Variants in ARHGEF4 observed in about 807,000 individuals in gnomAD.
The protein encoded by ARHGEF4 is APC-stimulated guanine nucleotide exchange factor 1.
ARHGEF4 carries 119 observed loss-of-function variants against 162.0 expected under a neutral mutation model. The observed-to-expected ratio is 0.73, with a 90% CI of 0.63 to 0.86. The LOEUF (loss-of-function observed/expected upper bound fraction) is 0.86. Among genes scored for constraint, ARHGEF4 ranks in the 40% least tolerant of loss-of-function variants. The pLI is 0.00. For missense variants in ARHGEF4, 2,488 were observed against 2,456.0 expected (o/e 1.01, Z -0.28); for synonymous variants, 1,014 against 979.9 (o/e 1.03, Z -0.65).
At chr2:131,024,991 CT>C (rs1689385160) in intron 4 of ARHGEF4, among the ~76,000 whole-genome samples, 1 of 152,044 alleles carries the variant, frequency 6.6e-6, no homozygotes, top group South Asian at 2.1e-4. Flanking sequence ...AGGCCCTTGG[CT>C]CCTGCTTGCA....
intron 1 of ARHGEF4, among the ~76,000 whole-genome samples, chr2:130,837,281 C>T (rs892200734): frequency 1.3e-5 from 2 of 152,130 alleles, no homozygotes; most frequent in Non-Finnish European, 2.9e-5. Flanking sequence ...GCGCCTGAGC[C>T]GGCCTCCCCG....
At chr2:130,930,460 C>T (rs1471297639) in intron 2 of ARHGEF4, among the ~76,000 whole-genome samples, 2 of 152,138 alleles carry the variant, frequency 1.3e-5, no homozygotes, top group Admixed American at 1.3e-4. Context: ...TGGTGCGTAA[C>T]GGCAACCAGG....
At chr2:130,994,572 C>G (rs144283457) in intron 4 of ARHGEF4, among the ~76,000 whole-genome samples, 13 of 152,180 alleles carry the variant, frequency 8.5e-5, no homozygotes, top group African/African-American at 2.6e-4. Flanking sequence ...TCCAATAAGA[C>G]GTTGTTTTGT....
intron 1 of ARHGEF4, among the ~76,000 whole-genome samples, chr2:130,891,650 C>T (rs1269994579): frequency 6.6e-6 from 1 of 152,232 alleles, no homozygotes; most frequent in Non-Finnish European, 1.5e-5. Flanking sequence ...AGACGGCCGC[C>T]TTCTGATTGC....
intron 4 of ARHGEF4, among the ~76,000 whole-genome samples, chr2:131,018,124 G>A (rs1688877032): frequency 6.6e-6 from 1 of 152,200 alleles, no homozygotes; most frequent in African/African-American, 2.4e-5. Context: ...ATGAGAGGTG[G>A]ATGAACACAT....
intron 4 of ARHGEF4, among the ~76,000 whole-genome samples, chr2:130,970,606 A>G (rs1373101971): frequency 1.6e-5 from 2 of 122,090 alleles, no homozygotes; most frequent in African/African-American, 5.8e-5. Context: ...AAAAAAAAAA[A>G]AAGAAAAGCC....
rs949833734 is a variant in ARHGEF4 at position 131,019,534 on chromosome 2, C to CT, written c.3986-8399dup. On this transcript the variant is annotated intron_variant, in intron 4 of 13. Coordinates refer to ENST00000409359, the MANE Select transcript of ARHGEF4 (RefSeq NM_001367493.1). ...TATGAACATGGGACGTCTTTCTTTGCTTTTTTTTTTTTCCAGCAATGTTTT... is the reference window on the plus strand; with the variant it reads ...TATGAACATGGGACGTCTTTCTTTGCTTTTTTTTTTTTTCCAGCAATGTTTT... Among the ~76,000 whole-genome samples the CT allele has an allele frequency of 1.4e-3, 194 of 142,476 alleles. 1 individual carries two copies. Among genetic ancestry groups the CT allele is most frequent in the South Asian group, 7.3e-3 (33 of 4,520 alleles). 93.5% of individuals were successfully genotyped at this position (142,476 alleles called of 152,430 possible).
intron 5 of ARHGEF4, among the ~76,000 whole-genome samples, chr2:131,030,464 G>T (rs568507731): frequency 2.8e-4 from 43 of 152,352 alleles, no homozygotes; most frequent in African/African-American, 9.6e-4. Context: ...TGAGCAGACG[G>T]AGTGTTGCTG....
intron 1 of ARHGEF4, among the ~76,000 whole-genome samples, chr2:130,896,435 C>T (rs1225401973): frequency 6.6e-6 from 1 of 152,170 alleles, no homozygotes; most frequent in East Asian, 1.9e-4. Flanking sequence ...TGTTCTGAGC[C>T]CACAGCATGT....
chr2:131,041,900 A>G lies in ARHGEF4; in HGVS notation c.4981A>G (p.Ile1661Val), dbSNP rs567459207. Residue 1661 changes from isoleucine (I) to valine (V), a missense_variant, in exon 10 of 14, where the codon ATC (isoleucine) becomes GTC (valine). Ile to Val is a conservative substitution (Grantham distance 29). This residue lies in a region of ARHGEF4 where 415 missense variants were observed against 512.4 expected (regional missense o/e 0.81). Transcript: ENST00000409359. The part of the protein sequence containing the change: ...INERKRRLEN[I>V]DKIAQWQSSI... ...CGAGCGGAAGCGGAGACTTGAGAACATCGACAAGATTGCTCAGTGGCAGAG... is the reference window on the plus strand; with the variant it reads ...CGAGCGGAAGCGGAGACTTGAGAACGTCGACAAGATTGCTCAGTGGCAGAG... 3.1e-6 allele frequency: 5 copies of G among 1,613,670 alleles called. No individual in the cohort carries two copies. The African/African-American group carries it at 4.0e-5, about 13-fold the overall frequency.
At chr2:130,924,281 CTTTT>C (rs56004099) in intron 2 of ARHGEF4, among the ~76,000 whole-genome samples, 1 of 140,344 alleles carries the variant, frequency 7.1e-6, no homozygotes, top group Admixed American at 7.1e-5. Context: ...GGCATAGTTC[CTTTT>C]TTTTTTTTTG....
intron 4 of ARHGEF4, among the ~76,000 whole-genome samples, chr2:130,993,429 A>G (rs1179310518): frequency 6.6e-6 from 1 of 151,942 alleles, no homozygotes; most frequent in African/African-American, 2.4e-5. Context: ...TTTCATATGT[A>G]CTTAAAAAGA....
At chr2:130,862,851 C>T (rs1448456901) in intron 1 of ARHGEF4, among the ~76,000 whole-genome samples, 1 of 110,208 alleles carries the variant, frequency 9.1e-6, no homozygotes, top group Non-Finnish European at 1.6e-5. Flanking sequence ...GGAAACAGGG[C>T]AAGAGTCCAT....
At chr2:130,884,166 G>A (rs1679364875) in intron 1 of ARHGEF4, among the ~76,000 whole-genome samples, 1 of 152,054 alleles carries the variant, frequency 6.6e-6, no homozygotes, top group African/African-American at 2.4e-5. Flanking sequence ...AATGAGCTGA[G>A]CCTGGAGATG....
intron 1 of ARHGEF4, among the ~76,000 whole-genome samples, chr2:130,841,640 G>C (rs114794902): frequency 0.05 from 7,545 of 152,182 alleles, 201 homozygotes; most frequent in Non-Finnish European, 0.058. Context: ...GATAGAGAAC[G>C]ATGTCTGTGG....
intron 2 of ARHGEF4, among the ~76,000 whole-genome samples, chr2:130,930,307 G>A (rs779011454): frequency 3.3e-5 from 5 of 152,170 alleles, no homozygotes; most frequent in Non-Finnish European, 5.9e-5. Flanking sequence ...ATAGGGGATC[G>A]TTAGACTTGG....
At chr2:131,029,450 A>C (rs1035711667) in intron 5 of ARHGEF4, among the ~76,000 whole-genome samples, 2 of 152,020 alleles carry the variant, frequency 1.3e-5, no homozygotes, top group African/African-American at 4.8e-5. Flanking sequence ...TCCCAACAAA[A>C]CCTTTCTTTT....
At chr2:131,022,637 C>T (rs1689206421) in intron 4 of ARHGEF4, among the ~76,000 whole-genome samples, 1 of 137,086 alleles carries the variant, frequency 7.3e-6, no homozygotes, top group South Asian at 2.4e-4. Context: ...TGAACCTTGA[C>T]TTAAGCTTCA....
intron 4 of ARHGEF4, chr2:130,964,349 A>G: frequency 1.5e-6 from 1 of 677,502 alleles, no homozygotes; most frequent in Non-Finnish European, 1.8e-6. Flanking sequence ...CTCCTCCCTC[A>G]CTTTCTGCCT....
Sources: gnomAD v4.1 joint callset for allele counts (sites outside exome capture counted in the v4.1 genomes callset) on GRCh38, gnomAD v4.1.1 for gene constraint, gnomAD v4.1.1 regional missense constraint, MANE v1.5 for transcripts, NCBI Gene and HGNC (gene_info 2026-07-23, HGNC 2026-07-21) for gene names.